The following ACACA variants were observed in gnomAD, a reference collection of about 807,000 sequenced individuals.
ACACA encodes the protein acetyl-CoA carboxylase 1.
In ACACA, 103 loss-of-function variants were observed where a neutral mutation model predicts 296.1. That is an observed-to-expected ratio of 0.35 (90% CI 0.30 to 0.41). The LOEUF is 0.41. Among genes scored for constraint, ACACA ranks in the 10% least tolerant of loss-of-function variants. The probability of loss-of-function intolerance (pLI) is 1.00; values close to 1 mark genes in which losing one functional copy is unlikely to be tolerated. For missense variants in ACACA, 1,554 were observed against 2,989.7 expected (o/e 0.52, Z 11.20); for synonymous variants, 953 against 1,038.6 (o/e 0.92, Z 1.58).
chr17:37,355,487 T>C (rs1445049221), intron 1 of ACACA, among the ~76,000 whole-genome samples: 4 of 123,342 alleles, frequency 3.2e-5, no homozygotes, highest in East Asian at 2.4e-4. Context: ...ACATGGGAGG[T>C]GGAGGTCACA....
intron 28 of ACACA, 192 bp from the exon 29 acceptor site, chr17:37,222,034 C>T: frequency 1.6e-6 from 1 of 607,546 alleles, no homozygotes; most frequent in Non-Finnish European, 2.9e-6. Flanking sequence ...ATAACCATGA[C>T]TACTAATGAA....
intron 3 of ACACA, among the ~76,000 whole-genome samples, chr17:37,286,348 C>A (rs1019031282): frequency 1.3e-5 from 2 of 152,144 alleles, no homozygotes; most frequent in Non-Finnish European, 2.9e-5. Context: ...ATAATTTAAC[C>A]TTTTCAGCTT....
At position 37,111,567 on chromosome 17, in the gene ACACA, C is replaced by T. The variant is rs1309843714; in HGVS notation, c.6529G>A (p.Val2177Met). ...GCCAAGTGGATGTAGACTGGGTCCACCCGACGCATGGTTTTCACCAGATCC... is the reference window on the plus strand; with the variant it reads ...GCCAAGTGGATGTAGACTGGGTCCATCCGACGCATGGTTTTCACCAGATCC... The part of the protein sequence containing the change: ...RKDLVKTMRR[V>M]DPVYIHLAER... Residue 2177 changes from valine to methionine, a missense_variant, in exon 52 of 56, where the codon GTG (valine) becomes ATG (methionine). Physicochemically the swap from Val to Met is conservative, Grantham distance 21. Transcript: ENST00000616317. 3.1e-6 allele frequency: 5 copies of T among 1,614,048 alleles called. No individual in the cohort carries two copies. Among genetic ancestry groups the T allele is most frequent in the African/African-American group, 1.3e-5 (1 of 74,918 alleles).
intron 41 of ACACA, among the ~76,000 whole-genome samples, chr17:37,172,902 C>A (rs2076932474): frequency 6.6e-6 from 1 of 152,160 alleles, no homozygotes; most frequent in South Asian, 2.1e-4. Context: ...ACCCGCTTCG[C>A]TTAGGTCTAT....
intron 45 of ACACA, among the ~76,000 whole-genome samples, chr17:37,143,024 G>A (rs992530814): frequency 6.6e-6 from 1 of 152,076 alleles, no homozygotes; most frequent in Non-Finnish European, 1.5e-5. Context: ...TACCTATTTT[G>A]GCTCATTTAA....
intron 3 of ACACA, among the ~76,000 whole-genome samples, chr17:37,291,333 T>C (rs986359567): frequency 3.3e-5 from 5 of 151,826 alleles, no homozygotes; most frequent in Non-Finnish European, 7.4e-5. Context: ...TGCGCCACCA[T>C]GCCCGGCTAA....
chr17:37,216,189 C>CACGTGT (rs559609131), intron 29 of ACACA, among the ~76,000 whole-genome samples: 20 of 141,378 alleles, frequency 1.4e-4, no homozygotes, highest in East Asian at 1.2e-3. Context: ...CATACACACA[C>CACGTGT]GTGTGTGTGT....
chr17:37,393,144 CA>C (rs11286732), intron 1 of ACACA, among the ~76,000 whole-genome samples: 1,088 of 82,344 alleles, frequency 0.013, 7 homozygotes, highest in African/African-American at 0.039. Flanking sequence ...AACTCCATCT[CA>C]AAAAAAAAAA....
chr17:37,092,153 G>T (rs2072684349), intron 54 of ACACA, among the ~76,000 whole-genome samples: 1 of 151,630 alleles, frequency 6.6e-6, no homozygotes, highest in South Asian at 2.1e-4. Context: ...GGTAGTGTAT[G>T]CCTATAGTCC....
At chr17:37,151,258 C>A in intron 44 of ACACA, 43 bp downstream of exon 44, 5 of 1,612,698 alleles carry the variant, frequency 3.1e-6, no homozygotes. Context: ...AACCTAGCCA[C>A]ACAGCCAGTT....
intron 3 of ACACA, among the ~76,000 whole-genome samples, chr17:37,313,036 C>T (rs1435992617): frequency 6.6e-6 from 1 of 152,132 alleles, no homozygotes; most frequent in African/African-American, 2.4e-5. Flanking sequence ...AGACATTTTC[C>T]TGACTAATGG....
At chr17:37,260,278 ATATATATATATATATATATTT>A (rs2081417147) in intron 11 of ACACA, among the ~76,000 whole-genome samples, 3 of 31,200 alleles carry the variant, frequency 9.6e-5, no homozygotes, top group African/African-American at 5.4e-4. Context: ...ATATATATAT[ATATATATATATATATATATTT>A]TTTTTTTTTT....
chr17:37,102,435 C>A (rs568277301), intron 52 of ACACA, among the ~76,000 whole-genome samples: 1 of 152,302 alleles, frequency 6.6e-6, no homozygotes, highest in East Asian at 1.9e-4. Flanking sequence ...AAACTGACCT[C>A]AGGTGATCTG....
At chr17:37,158,834 C>T (rs2076354774) in intron 42 of ACACA, among the ~76,000 whole-genome samples, 2 of 151,994 alleles carry the variant, frequency 1.3e-5, no homozygotes, top group Non-Finnish European at 1.5e-5. Flanking sequence ...CTTCTTGGTC[C>T]TGCTGCAGCC....
At chr17:37,121,241 A>C (rs2074513150) in intron 50 of ACACA, 114 bp downstream of exon 50, 1 of 1,445,234 alleles carries the variant, frequency 6.9e-7, no homozygotes, top group Non-Finnish European at 9.7e-7. Context: ...CAGAATCCCC[A>C]AAAAGCCTAG....
chr17:37,357,429 G>T (rs1352740103), intron 1 of ACACA, among the ~76,000 whole-genome samples: 3 of 152,134 alleles, frequency 2.0e-5, no homozygotes, highest in Admixed American at 1.3e-4. Context: ...GGAGACGAAG[G>T]TTGCAGTGAG....
chr17:37,328,834 G>A (rs2147204336), intron 3 of ACACA: 1 of 398,278 alleles, frequency 2.5e-6, no homozygotes, highest in East Asian at 3.6e-5. Context: ...CAATCACCTG[G>A]ATACCTTAAA....
chr17:37,247,244 G>GA (rs2080754395), intron 18 of ACACA, among the ~76,000 whole-genome samples: 1 of 152,046 alleles, frequency 6.6e-6, no homozygotes, highest in South Asian at 2.1e-4. Flanking sequence ...CACACACAAA[G>GA]ATATTGATGA....
At chr17:37,110,193 G>A (rs767622572) in intron 52 of ACACA, among the ~76,000 whole-genome samples, 2 of 152,230 alleles carry the variant, frequency 1.3e-5, no homozygotes, top group African/African-American at 4.8e-5. Flanking sequence ...TAAACACAGC[G>A]GCAACAATTG....
Sources: gnomAD v4.1 joint callset for allele counts (sites outside exome capture counted in the v4.1 genomes callset) on GRCh38, gnomAD v4.1.1 for gene constraint, MANE v1.5 for transcripts, NCBI Gene and HGNC (gene_info 2026-07-23, HGNC 2026-07-21) for gene names.